The following KCNAB1 variants were observed in gnomAD, a reference collection of about 807,000 sequenced individuals.
The protein encoded by KCNAB1 is potassium voltage-gated channel subfamily A regulatory beta subunit 1.
KCNAB1 carries 35 observed loss-of-function variants against 64.6 expected under a neutral mutation model. The observed-to-expected ratio is 0.54, with a 90% CI of 0.41 to 0.72. The LOEUF (loss-of-function observed/expected upper bound fraction) is 0.72, where lower values mean the gene tolerates loss of function less well. KCNAB1 is among the 30% of genes least tolerant of loss of function. The pLI is 0.00. For missense variants in KCNAB1, 401 were observed against 512.9 expected, an observed-to-expected ratio of 0.78 and a Z score of 2.11; for synonymous variants, 177 against 183.8, an observed-to-expected ratio of 0.96 and a Z score of 0.30.
intron 1 of KCNAB1, among the ~76,000 whole-genome samples, chr3:156,174,464 A>G (rs4130734): frequency 1.5e-3 from 225 of 152,326 alleles, no homozygotes; most frequent in Non-Finnish European, 2.6e-3. Flanking sequence ...GGTAGTTAGC[A>G]GGATCTACAG....
chr3:156,459,602 C>G (rs1048683721), intron 4 of KCNAB1, among the ~76,000 whole-genome samples: 1 of 152,000 alleles, frequency 6.6e-6, no homozygotes, highest in African/African-American at 2.4e-5. Context: ...AGGCGGTCTC[C>G]TGCCAGCGTG....
Position 156,382,591 on chromosome 3 carries a change from T to A in KCNAB1, c.276-39025T>A, listed in dbSNP as rs149326921. ...ATACTGGTTGGTGCCATTTACCGAC[T>A]ATTTTTTGTCCCACTAGCTTCTGGG... On this transcript the variant is annotated intron_variant, in intron 1 of 13. Transcript: ENST00000490337. 4.5e-4 allele frequency among the ~76,000 whole-genome samples: 68 copies of A among 152,330 alleles called. 1 individual carries two copies. The highest frequency in any genetic ancestry group is 1.6e-3 in the African/African-American group (66 of 41,576).
intron 1 of KCNAB1, among the ~76,000 whole-genome samples, chr3:156,313,876 G>A (rs1722099542): frequency 6.6e-6 from 1 of 152,226 alleles, no homozygotes; most frequent in South Asian, 2.1e-4. Context: ...GTGTTTGAGT[G>A]ACCAGAGTGT....
At position 156,427,194 on chromosome 3, in the gene KCNAB1, G is replaced by A. The variant is rs57636202; in HGVS notation, c.319+5535G>A. Among the ~76,000 whole-genome samples the A allele has an allele frequency of 8.0e-3, 1,226 of 152,304 alleles. 7 individuals carry two copies. The highest frequency in any genetic ancestry group is 0.017 in the African/African-American group (709 of 41,550). On this transcript the variant is annotated intron_variant, in intron 2 of 13. Coordinates refer to ENST00000490337, the MANE Select transcript of KCNAB1 (RefSeq NM_172160.3). ...TGAAATCTCAGAGACAGGAGACACA[G>A]GAGGGAGCTGTGAGGGCAGACAGCA...
chr3:156,479,114 C>A (rs762369305), intron 8 of KCNAB1, among the ~76,000 whole-genome samples: 2 of 152,140 alleles, frequency 1.3e-5, no homozygotes, highest in Non-Finnish European at 2.9e-5. Flanking sequence ...GCCATGCCAT[C>A]TGTCTCTGCT....
At chr3:156,361,325 G>T (rs1725599206) in intron 1 of KCNAB1, among the ~76,000 whole-genome samples, 1 of 152,102 alleles carries the variant, frequency 6.6e-6, no homozygotes, top group African/African-American at 2.4e-5. Flanking sequence ...CATAGGGCAG[G>T]TTTTCAGTGA....
chr3:156,180,186 C>T (rs1434693364), intron 1 of KCNAB1, among the ~76,000 whole-genome samples: 1 of 152,182 alleles, frequency 6.6e-6, no homozygotes, highest in Non-Finnish European at 1.5e-5. Flanking sequence ...TAATTCAATC[C>T]TCATGCCAAT....
intron 5 of KCNAB1, 59 bp from the exon 6 acceptor site, chr3:156,463,643 T>C: frequency 1.6e-6 from 2 of 1,283,404 alleles, no homozygotes; most frequent in Non-Finnish European, 1.1e-6. Context: ...ATAATATGAC[T>C]CGGTACAATA....
At chr3:156,191,988 C>T (rs982922306) in intron 1 of KCNAB1, among the ~76,000 whole-genome samples, 1 of 152,198 alleles carries the variant, frequency 6.6e-6, no homozygotes, top group Non-Finnish European at 1.5e-5. Context: ...TGGAATGTCC[C>T]TCTCTGTTCC....
At chr3:156,463,590 A>G in intron 5 of KCNAB1, 112 bp from the exon 6 acceptor site, 1 of 868,114 alleles carries the variant, frequency 1.2e-6, no homozygotes, top group Non-Finnish European at 1.8e-6. Context: ...ACCAATTTTT[A>G]AAATGTGAGG....
rs1164327369 is a variant in KCNAB1, at chr3:156,141,482, T to TTA, written c.275+20604_275+20605dup. ...CTACAATTTTGCCATTTTGAGAATG[T>TTA]TATATATATGGAATGATACAGATTC... On this transcript the variant is annotated intron_variant, in intron 1 of 13. Coordinates refer to ENST00000490337, the MANE Select transcript of KCNAB1 (RefSeq NM_172160.3). Among the ~76,000 whole-genome samples the TTA allele has an allele frequency of 5.2e-4, 79 of 152,180 alleles. 5 individuals are homozygous for TTA. The highest frequency in any genetic ancestry group is 4.4e-5 in the Non-Finnish European group (3 of 68,038).
intron 1 of KCNAB1, among the ~76,000 whole-genome samples, chr3:156,124,692 A>G (rs946268254): frequency 1.3e-5 from 2 of 152,192 alleles, no homozygotes; most frequent in African/African-American, 4.8e-5. Flanking sequence ...GCAATATTCA[A>G]GAATGCCTAT....
intron 2 of KCNAB1, among the ~76,000 whole-genome samples, chr3:156,433,109 AGTAGACGCT>A (rs1716345708): frequency 6.6e-6 from 1 of 152,184 alleles, no homozygotes; most frequent in South Asian, 2.1e-4. Context: ...ACAAAGATGC[AGTAGACGCT>A]GTGCTGGGGA....
chr3:156,135,010 T>G (rs373996299), intron 1 of KCNAB1, among the ~76,000 whole-genome samples: 2 of 152,200 alleles, frequency 1.3e-5, no homozygotes, highest in Admixed American at 1.3e-4. Flanking sequence ...CTTTTTTTTT[T>G]CTTCACGGTG....
At chr3:156,223,292 G>A (rs1715904118) in intron 1 of KCNAB1, among the ~76,000 whole-genome samples, 2 of 152,216 alleles carry the variant, frequency 1.3e-5, no homozygotes, top group Non-Finnish European at 2.9e-5. Flanking sequence ...CTTCCACAGT[G>A]TGGAAGGGGA....
chr3:156,238,299 G>A (rs1716964505), intron 1 of KCNAB1, among the ~76,000 whole-genome samples: 1 of 151,922 alleles, frequency 6.6e-6, no homozygotes, highest in Non-Finnish European at 1.5e-5. Context: ...GTGGGCGCCT[G>A]TAGTCCCAGC....
intron 3 of KCNAB1, among the ~76,000 whole-genome samples, chr3:156,454,861 TCA>T (rs998707112): frequency 2.6e-5 from 4 of 152,218 alleles, no homozygotes; most frequent in Non-Finnish European, 5.9e-5. Flanking sequence ...ACTCTCCTCT[TCA>T]CAGTGTCTGC....
chr3:156,471,459 G>A (rs1713884749), intron 7 of KCNAB1, among the ~76,000 whole-genome samples: 1 of 152,164 alleles, frequency 6.6e-6, no homozygotes, highest in Non-Finnish European at 1.5e-5. Context: ...ATCTCCTCAA[G>A]GTCAGGGAGC....
At chr3:156,354,845 G>T (rs1725130177) in intron 1 of KCNAB1, among the ~76,000 whole-genome samples, 3 of 152,040 alleles carry the variant, frequency 2.0e-5, no homozygotes. Flanking sequence ...CAATGTATCT[G>T]GTTTGACTCA....
Sources: gnomAD v4.1 joint callset for allele counts (sites outside exome capture counted in the v4.1 genomes callset) on GRCh38, gnomAD v4.1.1 for gene constraint, MANE v1.5 for transcripts, NCBI Gene and HGNC (gene_info 2026-07-23, HGNC 2026-07-21) for gene names.